The following CFAP299 variants were observed in gnomAD, a reference collection of about 807,000 sequenced individuals.
The protein encoded by CFAP299 is cilia- and flagella-associated protein 299.
In CFAP299, 21 loss-of-function variants were observed where a neutral mutation model predicts 27.0. The observed-to-expected ratio is 0.78, with a 90% CI of 0.55 to 1.12. The LOEUF is 1.12. Ranked by LOEUF, CFAP299 falls within the 50% of genes most tolerant of loss-of-function variation. The pLI, the probability that CFAP299 is intolerant of heterozygous loss-of-function variation, is 0.00. For synonymous variants in CFAP299, 104 were observed against 98.1 expected, an observed-to-expected ratio of 1.06 and a Z score of -0.36; for missense variants, 310 against 276.6, an observed-to-expected ratio of 1.12 and a Z score of -0.86.
At chr4:80,822,929 A>G (rs1312166149) in intron 3 of CFAP299, among the ~76,000 whole-genome samples, 2 of 152,168 alleles carry the variant, frequency 1.3e-5, no homozygotes, top group South Asian at 2.1e-4. Context: ...TCTTGTTACC[A>G]AAGTGCATCT....
chr4:80,959,873 A>G (rs1738255438), intron 5 of CFAP299, among the ~76,000 whole-genome samples: 1 of 151,978 alleles, frequency 6.6e-6, no homozygotes, highest in African/African-American at 2.4e-5. Context: ...AGATCAGGGT[A>G]CCAGAGAAAT....
intron 3 of CFAP299, among the ~76,000 whole-genome samples, chr4:80,631,841 A>G (rs965700802): frequency 3.7e-5 from 5 of 134,050 alleles, no homozygotes; most frequent in Admixed American, 8.6e-5. Flanking sequence ...GGTTTAGGCT[A>G]TCAGTCTGAA....
intron 5 of CFAP299, among the ~76,000 whole-genome samples, chr4:80,962,544 A>G (rs572258719): frequency 4.6e-4 from 70 of 152,026 alleles, no homozygotes; most frequent in Non-Finnish European, 9.0e-4. Context: ...AACTTAAAGT[A>G]TAATAATAAT....
chr4:80,714,465 A>T (rs1722359136), intron 3 of CFAP299, among the ~76,000 whole-genome samples: 2 of 152,126 alleles, frequency 1.3e-5, no homozygotes, highest in Non-Finnish European at 2.9e-5. Flanking sequence ...TACGGTTCTC[A>T]GTGCTAATCC....
chr4:80,581,453 G>GATAT (rs70944794), intron 2 of CFAP299, among the ~76,000 whole-genome samples: 1,399 of 102,776 alleles, frequency 0.014, 65 homozygotes, highest in African/African-American at 0.039. Context: ...TATTAAGTGA[G>GATAT]ATATATATAT....
At chr4:80,526,902 A>G (rs1733210968) in intron 2 of CFAP299, among the ~76,000 whole-genome samples, 1 of 152,158 alleles carries the variant, frequency 6.6e-6, no homozygotes, top group African/African-American at 2.4e-5. Context: ...GTTACAACAA[A>G]TTACGCAACA....
intron 3 of CFAP299, among the ~76,000 whole-genome samples, chr4:80,775,229 G>A (rs1726463699): frequency 6.6e-6 from 1 of 151,718 alleles, no homozygotes; most frequent in African/African-American, 2.4e-5. Context: ...CTAATTAAAT[G>A]TCTAACATAG....
chr4:80,749,884 A>C (rs1724836448), intron 3 of CFAP299, among the ~76,000 whole-genome samples: 1 of 152,188 alleles, frequency 6.6e-6, no homozygotes, highest in African/African-American at 2.4e-5. Context: ...TCACAGACAC[A>C]CCCAAGAACA....
intron 4 of CFAP299, among the ~76,000 whole-genome samples, chr4:80,885,889 C>T (rs777216059): frequency 4.9e-4 from 75 of 152,236 alleles, no homozygotes; most frequent in Non-Finnish European, 6.0e-4. Context: ...GGTAGAGCAA[C>T]AAGCAGGACC....
intron 1 of CFAP299, among the ~76,000 whole-genome samples, chr4:80,346,588 T>A (rs1722739483): frequency 6.6e-6 from 1 of 152,152 alleles, no homozygotes; most frequent in African/African-American, 2.4e-5. Flanking sequence ...TGGTTGCATA[T>A]GTGTGGTGTT....
chr4:80,683,928 G>C (rs1306230315), intron 3 of CFAP299, among the ~76,000 whole-genome samples: 6 of 152,272 alleles, frequency 3.9e-5, no homozygotes. Context: ...TGTTGAGTTT[G>C]AGTGTACATT....
chr4:80,735,610 T>C (rs1468017904), intron 3 of CFAP299, among the ~76,000 whole-genome samples: 1 of 152,148 alleles, frequency 6.6e-6, no homozygotes, highest in Non-Finnish European at 1.5e-5. Flanking sequence ...AATATGTTCC[T>C]TCTATATCCA....
chr4:80,427,178 G>A (rs1476756912), intron 2 of CFAP299, among the ~76,000 whole-genome samples: 5 of 152,268 alleles, frequency 3.3e-5, no homozygotes, highest in African/African-American at 1.2e-4. Flanking sequence ...CTGAAAAGTT[G>A]TATAGTAAGG....
At chr4:80,474,061 A>G (rs1730150970) in intron 2 of CFAP299, among the ~76,000 whole-genome samples, 1 of 152,206 alleles carries the variant, frequency 6.6e-6, no homozygotes, top group African/African-American at 2.4e-5. Flanking sequence ...TTTATGTCTC[A>G]AGGTCCTCCA....
chr4:80,510,405 A>T (rs137889580), intron 2 of CFAP299, among the ~76,000 whole-genome samples: 32 of 152,128 alleles, frequency 2.1e-4, no homozygotes, highest in African/African-American at 6.8e-4. Flanking sequence ...ACAGAAGTAA[A>T]AAGTGGATTC....
At chr4:80,464,810 CT>C (rs1349414576) in intron 2 of CFAP299, among the ~76,000 whole-genome samples, 13 of 151,942 alleles carry the variant, frequency 8.6e-5, no homozygotes, top group African/African-American at 3.1e-4. Flanking sequence ...AAAAAAGTAT[CT>C]GGAATATTAT....
At position 80,897,266 on chromosome 4, in the gene CFAP299, G is replaced by T. The variant is rs566323038; in HGVS notation, c.476+27131G>T. On this transcript the variant is annotated intron_variant, in intron 4 of 5. Coordinates refer to ENST00000358105, the MANE Select transcript of CFAP299 (RefSeq NM_152770.3). ...AGATTAAACATTTCTAAAACTTTAT[G>T]TTATGAAATTCAGTAATTATATATT... is the stretch of plus-strand genomic sequence containing the variant. Among the ~76,000 whole-genome samples the T allele has an allele frequency of 3.9e-5, 6 of 152,268 alleles. 1 individual carries two copies. Among genetic ancestry groups the T allele is most frequent in the Admixed American group, 3.9e-4 (6 of 15,290 alleles).
the CFAP299 span, among the ~76,000 whole-genome samples, chr4:80,329,203 G>GTATATATA: frequency 2.6e-5 from 1 of 38,268 alleles, no homozygotes; most frequent in Non-Finnish European, 4.8e-5. Context: ...GCAGTACACT[G>GTATATATA]TATACATATA....
intron 3 of CFAP299, among the ~76,000 whole-genome samples, chr4:80,788,192 A>G (rs1236680105): frequency 9.2e-5 from 14 of 152,018 alleles, no homozygotes; most frequent in Admixed American, 9.2e-4. Context: ...GACTTTCCCC[A>G]ACTCAAATGT....
Sources: allele counts gnomAD v4.1 joint callset (sites outside exome capture counted in the v4.1 genomes callset), GRCh38; gene constraint gnomAD v4.1.1; transcripts MANE v1.5; gene names NCBI Gene and HGNC (gene_info 2026-07-23, HGNC 2026-07-21).